The following LRRC37B variants were observed in gnomAD, a reference collection of about 807,000 sequenced individuals.
The protein encoded by LRRC37B is leucine-rich repeat-containing protein 37B.
LRRC37B carries 28 observed loss-of-function variants against 98.3 expected under a neutral mutation model. The ratio of observed to expected loss-of-function variants is 0.28; its 90% CI spans 0.21 to 0.39. The LOEUF is 0.39. Ranked by LOEUF, LRRC37B falls within the 10% of genes least tolerant of loss-of-function variation. The pLI, the probability that LRRC37B is intolerant of heterozygous loss-of-function variation, is 1.00. For synonymous variants in LRRC37B, 364 were observed against 442.7 expected (o/e 0.82, Z 2.23); for missense variants, 938 against 1,182.7 (o/e 0.79, Z 3.03).
intron 1 of LRRC37B, among the ~76,000 whole-genome samples, chr17:32,013,195 G>A (rs1400865485): frequency 6.6e-6 from 1 of 152,028 alleles, no homozygotes; most frequent in Non-Finnish European, 1.5e-5. Flanking sequence ...AATAGAGATG[G>A]GGTTTTGCCA....
chr17:32,007,745 GC>G (rs1910442385), upstream of LRRC37B: 6 of 1,193,956 alleles, frequency 5.0e-6, no homozygotes, highest in Non-Finnish European at 6.2e-6. The surrounding 1 kb of genome is among the most constrained non-coding windows in gnomAD (Gnocchi z 4.1). Flanking sequence ...AGTAGCCGGG[GC>G]AGGTGGGCAG....
intron 7 of LRRC37B, chr17:32,041,061 C>T (rs767872999): frequency 1.3e-6 from 1 of 766,814 alleles, no homozygotes; most frequent in Admixed American, 1.7e-5. Flanking sequence ...GCAGGTGAGT[C>T]AACTCCGGGC....
At chr17:32,009,728 C>G (rs116293502) in intron 1 of LRRC37B, among the ~76,000 whole-genome samples, 29 of 151,992 alleles carry the variant, frequency 1.9e-4, no homozygotes, top group Admixed American at 1.5e-3. Flanking sequence ...TCATTCCCCT[C>G]GACCCTGGGC....
exon 1 of LRRC37B, chr17:32,021,344 A>G: frequency 6.2e-7 from 1 of 1,613,910 alleles, no homozygotes; most frequent in Non-Finnish European, 8.5e-7. Context: ...CTGCTCCCCC[A>G]GCAGCCCCGG....
intron 3 of LRRC37B, among the ~76,000 whole-genome samples, chr17:32,029,448 G>T (rs536928915): frequency 0.017 from 2,642 of 151,654 alleles, 80 homozygotes; most frequent in African/African-American, 0.06. Context: ...ACTACATTAA[G>T]AAGAAGAAAT....
At chr17:32,019,610 G>A (rs1567612877), upstream of LRRC37B, among the ~76,000 whole-genome samples, 1 of 152,084 alleles carries the variant, frequency 6.6e-6, no homozygotes, top group Non-Finnish European at 1.5e-5. Flanking sequence ...ATTTCAATGG[G>A]AACTTAATTT....
At chr17:32,045,992 GTTA>G (rs1340125442) in intron 8 of LRRC37B, among the ~76,000 whole-genome samples, 174 bp downstream of exon 11, 1 of 152,184 alleles carries the variant, frequency 6.6e-6, no homozygotes, top group African/African-American at 2.4e-5. Flanking sequence ...CAGGTTCTCA[GTTA>G]TTATTACAAA....
chr17:32,023,022 C>A (rs887788925), intron 1 of LRRC37B, among the ~76,000 whole-genome samples, 197 bp downstream of exon 4: 5 of 152,144 alleles, frequency 3.3e-5, no homozygotes. Flanking sequence ...TTTACTTTTT[C>A]TCCAGTCTTT....
chr17:32,037,710 C>T (rs1911287130), intron 7 of LRRC37B, among the ~76,000 whole-genome samples: 1 of 152,200 alleles, frequency 6.6e-6, no homozygotes, highest in Non-Finnish European at 1.5e-5. Context: ...ATCTTCTTTA[C>T]TGTACTGTTC....
intron 7 of LRRC37B, among the ~76,000 whole-genome samples, chr17:32,036,976 ATT>A (rs71360793): frequency 4.6e-3 from 237 of 51,634 alleles, no homozygotes; most frequent in African/African-American, 0.016. Context: ...CATCTTCAGC[ATT>A]TTTTTTTTTT....
chr17:32,031,390 C>T, exon 5 of LRRC37B: 1 of 1,610,750 alleles, frequency 6.2e-7, no homozygotes, highest in Admixed American at 1.7e-5. Flanking sequence ...ATCTGGGCTG[C>T]AATTTAATTA....
At position 32,031,278 on chromosome 17, in the gene LRRC37B, G is replaced by A; in HGVS notation, c.1977-100G>A. 20 of 1,532,164 alleles carry A rather than the reference G, an allele frequency of 1.3e-5. No individual in the cohort carries two copies. In the South Asian group the frequency reaches 2.2e-4, roughly 17 times the overall value. 94.9% of individuals were successfully genotyped at this position (1,532,164 alleles called of 1,614,324 possible). A position where few individuals can be genotyped will look rare whatever the true frequency, so the allele number is the denominator to read the frequency against. ...AGATTGCCTTAGTGCACAGAGAAAAGATTGAGGTGATGTTCCATCCTATGT... is the reference window on the plus strand; with the variant it reads ...AGATTGCCTTAGTGCACAGAGAAAAAATTGAGGTGATGTTCCATCCTATGT... On this transcript the variant is annotated intron_variant, in intron 4 of 11. Coordinates refer to ENST00000327564, the Ensembl canonical transcript of LRRC37B.
chr17:32,027,231 C>G (rs1013655018), intron 2 of LRRC37B, among the ~76,000 whole-genome samples: 1 of 152,006 alleles, frequency 6.6e-6, no homozygotes, highest in South Asian at 2.1e-4. Flanking sequence ...CTTGGTGCCA[C>G]CCAGAGATGG....
intron 8 of LRRC37B, among the ~76,000 whole-genome samples, chr17:32,046,705 G>A (rs1911595533): frequency 6.6e-6 from 1 of 151,528 alleles, no homozygotes; most frequent in South Asian, 2.1e-4. Flanking sequence ...CAAGATCAGA[G>A]GTGCTAAGTG....
At chr17:32,011,316 C>G (rs570862563) in intron 1 of LRRC37B, among the ~76,000 whole-genome samples, 1 of 151,276 alleles carries the variant, frequency 6.6e-6, no homozygotes, top group Non-Finnish European at 1.5e-5. Flanking sequence ...TTTTTAATGG[C>G]TGAATAATAT....
At chr17:32,018,360 A>G (rs906765879), upstream of LRRC37B, among the ~76,000 whole-genome samples, 9 of 152,216 alleles carry the variant, frequency 5.9e-5, no homozygotes, top group Non-Finnish European at 1.2e-4. Flanking sequence ...CAAGGGTCAG[A>G]TAACATAGCC....
chr17:32,035,880 C>T (rs1188966829), intron 7 of LRRC37B: 2 of 377,642 alleles, frequency 5.3e-6, no homozygotes, highest in Non-Finnish European at 9.6e-6. Flanking sequence ...TCCCTTCCTC[C>T]CACCATCAGC....
intron 3 of LRRC37B, among the ~76,000 whole-genome samples, 169 bp from the exon 7 acceptor site, chr17:32,030,487 G>A (rs981234586): frequency 2.0e-5 from 3 of 150,608 alleles, no homozygotes; most frequent in Admixed American, 2.0e-4. Flanking sequence ...CGAGACTCTA[G>A]GAGAGGTACA....
At chr17:32,023,136 T>TC (rs1910851244) in intron 1 of LRRC37B, among the ~76,000 whole-genome samples, 1 of 151,440 alleles carries the variant, frequency 6.6e-6, no homozygotes, top group Non-Finnish European at 1.5e-5. Flanking sequence ...TTTTTTTTTT[T>TC]TTGAGACAGA....
Sources: gnomAD v4.1 joint callset for allele counts (sites outside exome capture counted in the v4.1 genomes callset) on GRCh38, gnomAD v4.1.1 for gene constraint, Gnocchi (gnomAD v3.1) non-coding constraint, MANE v1.5 for transcripts, NCBI Gene and HGNC (gene_info 2026-07-23, HGNC 2026-07-21) for gene names.